The following ITGA4 variants were observed in gnomAD, a reference collection of about 807,000 sequenced individuals.
ITGA4 encodes integrin alpha-4.
A neutral mutation model predicts 133.6 loss-of-function variants in ITGA4; 63 were observed. The ratio of observed to expected loss-of-function variants is 0.47; its 90% confidence interval spans 0.38 to 0.58. The LOEUF (loss-of-function observed/expected upper bound fraction) is 0.58, where lower values mean the gene tolerates loss of function less well. Ranked by LOEUF, ITGA4 falls within the 20% of genes least tolerant of loss-of-function variation. The pLI is 0.00. For missense variants in ITGA4, 1,076 were observed against 1,252.7 expected, an observed-to-expected ratio of 0.86 and a Z score of 2.13; for synonymous variants, 483 against 438.0, an observed-to-expected ratio of 1.10 and a Z score of -1.28.
chr2:181,488,932 T>C (rs1685983280), intron 10 of ITGA4, among the ~76,000 whole-genome samples: 1 of 152,210 alleles, frequency 6.6e-6, no homozygotes, highest in Non-Finnish European at 1.5e-5. Context: ...GCAAGACCAT[T>C]GCTGATGTGG....
intron 15 of ITGA4, among the ~76,000 whole-genome samples, chr2:181,507,803 A>G (rs565522055): frequency 5.9e-5 from 9 of 152,268 alleles, no homozygotes; most frequent in African/African-American, 1.9e-4. Context: ...GCAACCATCC[A>G]TTATTTGCCA....
At chr2:181,483,227 CTG>C (rs1477504365) in intron 9 of ITGA4, among the ~76,000 whole-genome samples, 1 of 152,236 alleles carries the variant, frequency 6.6e-6, no homozygotes, top group Non-Finnish European at 1.5e-5. Context: ...TAATTACTGA[CTG>C]TGATTCAATT....
At chr2:181,534,779 TTTGG>T in intron 26 of ITGA4, 33 bp from the exon 27 acceptor site, 7 of 1,545,756 alleles carry the variant, frequency 4.5e-6, no homozygotes, top group Middle Eastern at 1.7e-4. Flanking sequence ...GATTTTTTTT[TTTGG>T]TTTTTGAGTT....
At chr2:181,494,651 A>C in intron 11 of ITGA4, 71 bp from the exon 12 acceptor site, 2 of 820,348 alleles carry the variant, frequency 2.4e-6, no homozygotes, top group Non-Finnish European at 2.2e-6. Flanking sequence ...CTCATTATTT[A>C]GCTAAATCAT....
intron 19 of ITGA4, 22 bp from the exon 20 acceptor site, chr2:181,524,149 T>C: frequency 6.6e-7 from 1 of 1,526,200 alleles, no homozygotes; most frequent in Non-Finnish European, 8.9e-7. Flanking sequence ...TTTAATGGGC[T>C]TTCCTGGTCT....
intron 2 of ITGA4, among the ~76,000 whole-genome samples, chr2:181,472,132 C>A (rs1297134688): frequency 6.6e-6 from 1 of 152,092 alleles, no homozygotes; most frequent in African/African-American, 2.4e-5. Context: ...GTGATGTTAC[C>A]TGATGGAGCT....
In ITGA4 at chr2:181,529,622, A is replaced by G. The variant is rs1335744222; in HGVS notation, c.2512A>G (p.Lys838Glu). The G allele has an allele frequency of 3.8e-6, 6 of 1,594,068 alleles. No individual in the cohort carries two copies. The highest frequency in any genetic ancestry group is 1.7e-5 in the Admixed American group (1 of 59,876). The change falls in exon 23 of 28, where the codon AAG (lysine) becomes GAG (glutamate). Residue 838 changes from lysine (K) to glutamate (E), a missense_variant. Physicochemically the swap from Lys to Glu is moderately conservative, Grantham distance 56. Around this residue, in one of 4 missense-constraint regions of ITGA4, gnomAD observed 365 missense variants for 421.4 expected, o/e 0.87. Transcript: ENST00000397033. ...VPNSFSPQTD[K>E]LFNILDVQTT... is the part of the protein sequence containing the mutation. ...AAATTCTTTTAGCCCCCAAACTGAT[A>G]AGCTGTTCAACATTTTGGATGTCCA...
At position 181,537,414 on chromosome 2, in the gene ITGA4, G is replaced by A. The variant is rs1559063675; in HGVS notation, c.*1887G>A. Reference sequence around the variant, plus strand: ...TTTTGCCCAGTTCAAAATAGTATTTGTTATCAACTTACTTTGTTACTTGTA... The same window carrying A: ...TTTTGCCCAGTTCAAAATAGTATTTATTATCAACTTACTTTGTTACTTGTA... On this transcript the variant is annotated 3_prime_UTR_variant, in exon 28 of 28. Coordinates refer to ENST00000397033, the MANE Select transcript of ITGA4 (RefSeq NM_000885.6). 6 of 453,760 alleles carry A rather than the reference G, an allele frequency of 1.3e-5. No homozygotes were observed. Among genetic ancestry groups the A allele is most frequent in the Non-Finnish European group, 2.6e-5 (6 of 226,728 alleles). 28.1% of individuals were successfully genotyped at this position (453,760 alleles called of 1,614,324 possible).
chr2:181,499,578 T>C (rs899968595), intron 15 of ITGA4, among the ~76,000 whole-genome samples: 1 of 152,136 alleles, frequency 6.6e-6, no homozygotes, highest in African/African-American at 2.4e-5. Context: ...TAGATACTTA[T>C]TCCAAGCAAA....
intron 17 of ITGA4, among the ~76,000 whole-genome samples, chr2:181,517,382 A>G (rs1356217335): frequency 6.6e-6 from 1 of 152,106 alleles, no homozygotes; most frequent in African/African-American, 2.4e-5. Context: ...TCACTCAGAA[A>G]AAAACATAGA....
intron 10 of ITGA4, among the ~76,000 whole-genome samples, chr2:181,489,506 C>T (rs560602811): frequency 1.2e-3 from 171 of 147,452 alleles, no homozygotes; most frequent in Non-Finnish European, 2.0e-3. Flanking sequence ...TCTTTTTTCA[C>T]CTTGAGCCTT....
chr2:181,489,627 T>C (rs940293220), intron 10 of ITGA4, among the ~76,000 whole-genome samples: 2 of 152,198 alleles, frequency 1.3e-5, no homozygotes. Flanking sequence ...CCTGAAATAT[T>C]AATATATCGT....
intron 15 of ITGA4, among the ~76,000 whole-genome samples, chr2:181,503,291 A>G (rs1162370646): frequency 6.6e-6 from 1 of 152,128 alleles, no homozygotes; most frequent in Non-Finnish European, 1.5e-5. Context: ...AAGTTTAAAA[A>G]ATTATTCTCT....
intron 2 of ITGA4, among the ~76,000 whole-genome samples, chr2:181,473,118 A>G (rs1197683854): frequency 2.0e-5 from 3 of 152,170 alleles, no homozygotes; most frequent in African/African-American, 4.8e-5. Flanking sequence ...GTTCCTGACC[A>G]TGAGAACCAC....
intron 15 of ITGA4, 62 bp downstream of exon 15, chr2:181,498,839 C>T: frequency 2.0e-6 from 3 of 1,499,784 alleles, no homozygotes; most frequent in East Asian, 2.4e-5. Context: ...TAGAGAGCAA[C>T]TTATTGTATT....
chr2:181,473,107 T>G (rs1257744400), intron 2 of ITGA4, among the ~76,000 whole-genome samples: 3 of 152,238 alleles, frequency 2.0e-5, no homozygotes, highest in African/African-American at 7.2e-5. Context: ...ACAGTAACAG[T>G]GTTCCTGACC....
intron 9 of ITGA4, among the ~76,000 whole-genome samples, 180 bp from the exon 10 acceptor site, chr2:181,485,701 G>A (rs1685898898): frequency 6.6e-6 from 1 of 152,176 alleles, no homozygotes; most frequent in Non-Finnish European, 1.5e-5. Flanking sequence ...ACTATTATGT[G>A]TTGACAGACT....
intron 2 of ITGA4, among the ~76,000 whole-genome samples, chr2:181,459,940 T>A (rs190986615): frequency 0.015 from 2,282 of 152,304 alleles, 67 homozygotes; most frequent in African/African-American, 0.052. Context: ...TAATACTGTA[T>A]TAAATTTAAG....
At chr2:181,492,415 A>T (rs914623724) in intron 10 of ITGA4, among the ~76,000 whole-genome samples, 1 of 152,216 alleles carries the variant, frequency 6.6e-6, no homozygotes, top group Admixed American at 6.5e-5. Context: ...TGATAAAATG[A>T]TTTTCAATTT....
Sources: gnomAD v4.1 joint callset for allele counts (sites outside exome capture counted in the v4.1 genomes callset) on GRCh38, gnomAD v4.1.1 for gene constraint, gnomAD v4.1.1 regional missense constraint, MANE v1.5 for transcripts, NCBI Gene and HGNC (gene_info 2026-07-23, HGNC 2026-07-21) for gene names.